STK3: variants seen among roughly 807,000 people sequenced by gnomAD.
STK3 encodes the protein serine/threonine kinase 3.
A neutral mutation model predicts 58.0 loss-of-function variants in STK3; 41 were observed. The observed-to-expected ratio is 0.71, with a 90% confidence interval of 0.55 to 0.92. STK3 has a LOEUF of 0.92. Ranked by LOEUF, STK3 falls within the 40% of genes least tolerant of loss-of-function variation. The pLI, the probability that STK3 is intolerant of heterozygous loss-of-function variation, is 0.00. For synonymous variants in STK3, 170 were observed against 191.0 expected, an observed-to-expected ratio of 0.89 and a Z score of 0.91; for missense variants, 479 against 602.7, an observed-to-expected ratio of 0.79 and a Z score of 2.15.
intron 3 of STK3, among the ~76,000 whole-genome samples, chr8:98,751,822 C>T (rs1830004834): frequency 6.6e-6 from 1 of 152,068 alleles, no homozygotes; most frequent in Admixed American, 6.6e-5. Context: ...TGCCTGTAAT[C>T]CCAGTTACTT....
chr8:98,730,732 A>C lies in STK3; in HGVS notation c.351+18544T>G, dbSNP rs944012089. ...CTCCGTCTCAAAAAAAAAAAAAAAAAAAAAAACACCTGTGTGGTATTTTAA... is the reference window on the plus strand; with the variant it reads ...CTCCGTCTCAAAAAAAAAAAAAAAACAAAAAACACCTGTGTGGTATTTTAA... On this transcript the variant is annotated intron_variant, in intron 4 of 10. Coordinates refer to ENST00000419617, the MANE Select transcript of STK3 (RefSeq NM_006281.4). Among the ~76,000 whole-genome samples, 10 of 151,892 alleles carry C rather than the reference A, an allele frequency of 6.6e-5. No homozygotes were observed. In the East Asian group the frequency reaches 7.7e-4, roughly 12 times the overall value.
intron 10 of STK3, among the ~76,000 whole-genome samples, chr8:98,479,451 C>G (rs369295744): frequency 1.6e-5 from 2 of 126,036 alleles, no homozygotes; most frequent in South Asian, 5.1e-4. Flanking sequence ...CCTGCCACTG[C>G]ACTCCAGCCT....
At chr8:98,453,763 C>T (rs893774906), downstream of STK3, among the ~76,000 whole-genome samples, 7 of 152,158 alleles carry the variant, frequency 4.6e-5, no homozygotes, top group South Asian at 1.5e-3. Context: ...AAATCATCTT[C>T]ATAGGTTTCT....
At chr8:98,708,773 CTGAG>C (rs899435340) in intron 4 of STK3, among the ~76,000 whole-genome samples, 2 of 152,138 alleles carry the variant, frequency 1.3e-5, no homozygotes, top group Admixed American at 6.5e-5. Flanking sequence ...TGTGAATTGA[CTGAG>C]TGAGTGAGAA....
chr8:98,428,970 C>T lies in STK3; in HGVS notation n.483+5157G>A. On this transcript the variant is annotated intron_variant and non_coding_transcript_variant, in intron 3 of 3. Transcript: ENST00000517832. This position sits in a 1 kb window ranked among gnomAD's most constrained non-coding sequence, Gnocchi z 6.7. ...GAAATACAGCTACAAAGAAGTAGGG[C>T]TGCTCTTGCTCTACCTCTCCGTGGG... is the stretch of plus-strand genomic sequence containing the variant. 1 of 1,614,166 alleles carries T rather than the reference C, an allele frequency of 6.2e-7. No individual in the cohort carries two copies. The highest frequency in any genetic ancestry group is 8.5e-7 in the Non-Finnish European group (1 of 1,180,032).
At chr8:98,667,037 A>G (rs1822419807) in intron 6 of STK3, among the ~76,000 whole-genome samples, 2 of 152,198 alleles carry the variant, frequency 1.3e-5, no homozygotes, top group African/African-American at 4.8e-5. Context: ...ATAGCTTTCC[A>G]AAACAACTGA....
At chr8:98,589,053 A>G (rs569796328) in intron 7 of STK3, among the ~76,000 whole-genome samples, 252 of 150,950 alleles carry the variant, frequency 1.7e-3, no homozygotes, top group African/African-American at 5.3e-3. Flanking sequence ...ATGTCCTCCC[A>G]TAGCTCAGAG....
At chr8:98,416,031 A>G (rs991817899) in intron 3 of STK3, among the ~76,000 whole-genome samples, 1 of 152,204 alleles carries the variant, frequency 6.6e-6, no homozygotes, top group Non-Finnish European at 1.5e-5. Context: ...TTGGGGCACC[A>G]TCATGTCAAC....
At chr8:98,498,605 T>C (rs1823334553) in intron 10 of STK3, among the ~76,000 whole-genome samples, 1 of 152,218 alleles carries the variant, frequency 6.6e-6, no homozygotes, top group South Asian at 2.1e-4. Context: ...AAATTGCTCT[T>C]GTCAAGATCA....
chr8:98,671,046 A>C (rs1822795281), intron 6 of STK3, among the ~76,000 whole-genome samples: 1 of 152,208 alleles, frequency 6.6e-6, no homozygotes, highest in South Asian at 2.1e-4. Context: ...GCCAAGAAAA[A>C]TCCTGCATCA....
At chr8:98,749,181 G>C in intron 4 of STK3, 95 bp downstream of exon 4, 1 of 901,538 alleles carries the variant, frequency 1.1e-6, no homozygotes, top group Non-Finnish European at 1.7e-6. Flanking sequence ...CTTTTTTCAT[G>C]CTATTATTTT....
At chr8:98,585,237 T>C (rs1368510693) in intron 7 of STK3, among the ~76,000 whole-genome samples, 1 of 151,976 alleles carries the variant, frequency 6.6e-6, no homozygotes, top group Non-Finnish European at 1.5e-5. Flanking sequence ...AGGTCTAACG[T>C]TTAAGTCTTT....
At chr8:98,710,556 T>C (rs562966120) in intron 4 of STK3, among the ~76,000 whole-genome samples, 1 of 152,018 alleles carries the variant, frequency 6.6e-6, no homozygotes, top group African/African-American at 2.4e-5. Context: ...AGCACAACAG[T>C]GTGAGATCAA....
intron 4 of STK3, chr8:98,721,297 A>G (rs1827405386): frequency 4.9e-6 from 1 of 205,760 alleles, no homozygotes; most frequent in Non-Finnish European, 8.5e-6. Context: ...ATGAGAACTT[A>G]TTAGTTTTGT....
upstream of STK3, among the ~76,000 whole-genome samples, chr8:98,830,179 G>A (rs150801337): frequency 1.1e-3 from 169 of 152,178 alleles, 1 homozygote; most frequent in African/African-American, 3.6e-3. Flanking sequence ...AGTGAGCCAA[G>A]ATTGCGCCAC....
chr8:98,426,452 C>T lies in STK3; in HGVS notation n.483+7675G>A, dbSNP rs1295788194. Among the ~76,000 whole-genome samples the T allele has an allele frequency of 2.0e-5, 3 of 152,328 alleles. No individual in the cohort carries two copies. In the South Asian group the frequency reaches 6.2e-4, roughly 32 times the overall value. Reference sequence around the variant, plus strand: ...CACCGGCCTGGACACAAACTGTGCCCACACAGAGCTCCCGACCAGAACTCA... The same window carrying T: ...CACCGGCCTGGACACAAACTGTGCCTACACAGAGCTCCCGACCAGAACTCA... On this transcript the variant is annotated intron_variant and non_coding_transcript_variant, in intron 3 of 3. Transcript: ENST00000517832.
At chr8:98,760,474 T>C (rs1830550436) in intron 3 of STK3, among the ~76,000 whole-genome samples, 1 of 152,160 alleles carries the variant, frequency 6.6e-6, no homozygotes. Flanking sequence ...TAAGCAGCTA[T>C]GTCTTTGAAA....
intron 7 of STK3, among the ~76,000 whole-genome samples, chr8:98,592,732 A>T (rs962633529): frequency 1.8e-3 from 233 of 128,628 alleles, no homozygotes; most frequent in African/African-American, 6.1e-3. Context: ...TCACTGACTT[A>T]CTTTATTTAT....
At chr8:98,398,282 G>T (rs1210283480), downstream of STK3, among the ~76,000 whole-genome samples, 2 of 152,144 alleles carry the variant, frequency 1.3e-5, no homozygotes, top group Non-Finnish European at 2.9e-5. Context: ...CCTACCCAAA[G>T]CTTTGGATGC....
Sources: gnomAD v4.1 joint callset for allele counts (sites outside exome capture counted in the v4.1 genomes callset) on GRCh38, gnomAD v4.1.1 for gene constraint, Gnocchi (gnomAD v3.1) non-coding constraint, MANE v1.5 for transcripts, NCBI Gene and HGNC (gene_info 2026-07-23, HGNC 2026-07-21) for gene names.